The following TAF5L variants were observed in gnomAD, a reference collection of about 807,000 sequenced individuals.
The protein encoded by TAF5L is TATA-box binding protein associated factor 5 like, also known as TAF5-like RNA polymerase II p300/CBP-associated factor-associated factor 65 kDa subunit 5L.
A neutral mutation model predicts 51.3 loss-of-function variants in TAF5L; 7 were observed. The observed-to-expected ratio is 0.14, with a 90% CI of 0.08 to 0.26. The LOEUF (loss-of-function observed/expected upper bound fraction) is 0.26, where lower values mean the gene tolerates loss of function less well. TAF5L is among the 10% of genes least tolerant of loss of function. The pLI is 1.00. For synonymous variants in TAF5L, 291 were observed against 308.1 expected (o/e 0.94, Z 0.58); for missense variants, 575 against 758.9 (o/e 0.76, Z 2.85).
Position 229,602,203 on chromosome 1 carries a change from C to G in TAF5L, c.964G>C (p.Glu322Gln). 1.9e-6 allele frequency: 3 copies of G among 1,612,256 alleles called. No individual in the cohort carries two copies. The highest frequency in any genetic ancestry group is 2.5e-6 in the Non-Finnish European group (3 of 1,178,612). The stretch of plus-strand genomic sequence containing the variant: ...AAAAATGGTATTCATACCTCCTCCT[C>G]CAGAATATCACAAGCCAAATGGATG... The change falls in exon 4 of 5, where the codon GAG becomes CAG. Residue 322 changes from glutamate to glutamine, a missense_variant. Transcript: ENST00000258281. This position sits in a 1 kb window ranked among gnomAD's most constrained non-coding sequence, Gnocchi z 4.6.
chr1:229,599,222 AT>A (rs1220432225), intron 4 of TAF5L: 14 of 927,952 alleles, frequency 1.5e-5, no homozygotes, highest in Non-Finnish European at 2.6e-6. Flanking sequence ...ATTTGGCATA[AT>A]TAACAGAGAA....
chr1:229,606,465 T>TC, intron 3 of TAF5L: 18 of 985,414 alleles, frequency 1.8e-5, no homozygotes, highest in Non-Finnish European at 2.0e-5. Context: ...ATGGAGTTTT[T>TC]CATGAGTTCA....
intron 3 of TAF5L, chr1:229,606,621 C>T (rs1029091081): frequency 4.1e-6 from 4 of 985,314 alleles, no homozygotes; most frequent in Non-Finnish European, 3.6e-6. Context: ...TTGGTCCTGT[C>T]GTCACTCCCT....
intron 3 of TAF5L, among the ~76,000 whole-genome samples, chr1:229,604,658 G>A (rs1456474769): frequency 6.6e-6 from 1 of 152,050 alleles, no homozygotes; most frequent in Non-Finnish European, 1.5e-5. Flanking sequence ...GACTATGAAT[G>A]GCCCACACCC....
chr1:229,604,157 C>T (rs1571837932), intron 3 of TAF5L, among the ~76,000 whole-genome samples: 1 of 142,944 alleles, frequency 7.0e-6, no homozygotes, highest in Non-Finnish European at 1.5e-5. Context: ...TAAGTCAGCA[C>T]TTATGTTCTG....
At chr1:229,611,198 G>A (rs922736970) in intron 2 of TAF5L, among the ~76,000 whole-genome samples, 3 of 152,096 alleles carry the variant, frequency 2.0e-5, no homozygotes, top group Admixed American at 1.3e-4. Context: ...ATATGAATTG[G>A]TGCAGGGGAA....
chr1:229,613,117 T>C (rs1404430302), intron 2 of TAF5L, among the ~76,000 whole-genome samples: 3 of 150,118 alleles, frequency 2.0e-5, no homozygotes, highest in Non-Finnish European at 4.4e-5. Context: ...CAGGAGGTCA[T>C]GACTAGCCTG....
rs772853019 is a variant in TAF5L at position 229,602,392 on chromosome 1, T to C, written c.775A>G (p.Ile259Val). The C allele has an allele frequency of 9.9e-6, 16 of 1,614,002 alleles. No individual in the cohort carries two copies. The East Asian group carries it at 2.7e-4, about 27-fold the overall frequency. Residue 259 changes from isoleucine (I) to valine (V), a missense_variant, in exon 4 of 5, where the codon ATC (isoleucine) becomes GTC (valine). Coordinates refer to ENST00000258281, the Ensembl canonical transcript of TAF5L. The surrounding 1 kb of genome is among the most constrained non-coding windows in gnomAD (Gnocchi z 4.6). The stretch of plus-strand genomic sequence containing the variant: ...GTGTTATAGAAGGCATAGAAGCAGA[T>C]GGTAGTGAGGGAGGGAGGCCCATCC...
In TAF5L at chr1:229,625,683, G is replaced by T. The variant is rs547288132; in HGVS notation, c.-4+202C>A. Among the ~76,000 whole-genome samples, 1 of 148,650 alleles carries T rather than the reference G, an allele frequency of 6.7e-6. No individual in the cohort carries two copies. Among genetic ancestry groups the T allele is most frequent in the Non-Finnish European group, 1.5e-5 (1 of 66,888 alleles). ...GCCGCAGCCCGGGACTCGGGAGGCC[G>T]AGGGCGGAGGCGCGGCCGTCGCGCC... On this transcript the variant is annotated intron_variant, in intron 1 of 4. Coordinates refer to ENST00000258281, the Ensembl canonical transcript of TAF5L. This position sits in a 1 kb window ranked among gnomAD's most constrained non-coding sequence, Gnocchi z 4.0.
intron 2 of TAF5L, among the ~76,000 whole-genome samples, chr1:229,612,474 G>C (rs1664822886): frequency 1.3e-5 from 2 of 152,190 alleles, no homozygotes; most frequent in African/African-American, 4.8e-5. Flanking sequence ...CTTGTAAATG[G>C]ACTCCCCTAT....
At chr1:229,617,111 G>A (rs540125871) in intron 1 of TAF5L, among the ~76,000 whole-genome samples, 1 of 152,140 alleles carries the variant, frequency 6.6e-6, no homozygotes, top group Admixed American at 6.5e-5. Context: ...CTAATACAGG[G>A]ATTCTGATAC....
At chr1:229,599,217 G>C in intron 4 of TAF5L, 1 of 920,476 alleles carries the variant, frequency 1.1e-6, no homozygotes, top group Non-Finnish European at 1.3e-6. Context: ...GTTTTATTTG[G>C]CATAATTAAC....
At chr1:229,614,139 G>T in intron 2 of TAF5L, 1 of 794,078 alleles carries the variant, frequency 1.3e-6, no homozygotes, top group South Asian at 1.6e-5. Context: ...GAGGTTATCA[G>T]AAGTGACAAT....
At chr1:229,605,128 A>ATATATATATATATATTTTT (rs1340196774) in intron 3 of TAF5L, among the ~76,000 whole-genome samples, 9 of 145,164 alleles carry the variant, frequency 6.2e-5, no homozygotes, top group African/African-American at 2.3e-4. Context: ...ATATATATGT[A>ATATATATATATATATTTTT]TTTTTTTTTT....
intron 4 of TAF5L, chr1:229,599,956 CATT>C: frequency 1.0e-6 from 1 of 985,472 alleles, no homozygotes; most frequent in South Asian, 4.7e-5. Context: ...TCTATCATCT[CATT>C]AATCCATGTG....
intron 3 of TAF5L, among the ~76,000 whole-genome samples, chr1:229,604,509 T>C (rs974996969): frequency 4.6e-5 from 7 of 152,168 alleles, no homozygotes; most frequent in Admixed American, 1.3e-4. Context: ...GCTGGGGTAA[T>C]TGATCCTGCC....
At chr1:229,598,768 A>G (rs1185362098) in intron 4 of TAF5L, among the ~76,000 whole-genome samples, 1 of 148,632 alleles carries the variant, frequency 6.7e-6, no homozygotes, top group Non-Finnish European at 1.5e-5. Context: ...GCGCGGTCTC[A>G]GCTCACTGCA....
intron 4 of TAF5L, among the ~76,000 whole-genome samples, chr1:229,597,976 C>T (rs1463913534): frequency 1.3e-5 from 2 of 152,132 alleles, no homozygotes; most frequent in African/African-American, 4.8e-5. Flanking sequence ...TGGAATTTAG[C>T]CTCCATCTAT....
intron 1 of TAF5L, among the ~76,000 whole-genome samples, chr1:229,620,079 G>A (rs1665149718): frequency 6.6e-6 from 1 of 151,724 alleles, no homozygotes; most frequent in Non-Finnish European, 1.5e-5. Flanking sequence ...ATAAAATTCT[G>A]TTCTCTCTCT....
Sources: allele counts gnomAD v4.1 joint callset (sites outside exome capture counted in the v4.1 genomes callset), GRCh38; gene constraint gnomAD v4.1.1; non-coding constraint Gnocchi (gnomAD v3.1); transcripts MANE v1.5; gene names NCBI Gene and HGNC (gene_info 2026-07-23, HGNC 2026-07-21).